ESRRG: variants seen among roughly 807,000 people sequenced by gnomAD.
ESRRG encodes the protein estrogen related receptor gamma.
A neutral mutation model predicts 44.0 loss-of-function variants in ESRRG; 13 were observed. The ratio of observed to expected loss-of-function variants is 0.30; its 90% CI spans 0.19 to 0.47. ESRRG has a LOEUF of 0.47. Ranked by LOEUF, ESRRG falls within the 20% of genes least tolerant of loss-of-function variation. ESRRG has a pLI of 1.00. For synonymous variants in ESRRG, 215 were observed against 214.6 expected (o/e 1.00, Z -0.02); for missense variants, 395 against 580.6 (o/e 0.68, Z 3.29).
chr1:217,130,475 A>C (rs1260632761), intron 1 of ESRRG, among the ~76,000 whole-genome samples: 1 of 152,064 alleles, frequency 6.6e-6, no homozygotes, highest in African/African-American at 2.4e-5. Context: ...GCTTCAAGCA[A>C]TTCTCTCTCC....
chr1:216,564,150 A>C (rs1397259699), intron 5 of ESRRG, 69 bp downstream of exon 5: 20 of 965,054 alleles, frequency 2.1e-5, no homozygotes, highest in Non-Finnish European at 2.8e-5. Context: ...GAATTCACCC[A>C]AATCTATATA....
At chr1:217,030,073 G>C (rs2081839959) in intron 1 of ESRRG, among the ~76,000 whole-genome samples, 2 of 152,156 alleles carry the variant, frequency 1.3e-5, no homozygotes, top group South Asian at 4.1e-4. Flanking sequence ...CTGGGATGCT[G>C]ACCATGTCAA....
At chr1:217,099,277 A>G (rs1436501838) in intron 1 of ESRRG, among the ~76,000 whole-genome samples, 4 of 152,132 alleles carry the variant, frequency 2.6e-5, no homozygotes, top group Non-Finnish European at 5.9e-5. Context: ...ATCTTTTCCA[A>G]TCCTACTTAT....
At chr1:216,553,500 T>C (rs114694875) in intron 5 of ESRRG, among the ~76,000 whole-genome samples, 1,985 of 152,240 alleles carry the variant, frequency 0.013, 49 homozygotes, top group African/African-American at 0.046. Flanking sequence ...ATTAACAATT[T>C]GTGGTTGCCA....
At chr1:217,031,982 C>T (rs562587269) in intron 1 of ESRRG, among the ~76,000 whole-genome samples, 10 of 152,206 alleles carry the variant, frequency 6.6e-5, no homozygotes, top group South Asian at 2.1e-4. Flanking sequence ...ACTAATCCAC[C>T]GACTGCCCCA....
At chr1:216,578,462 T>C (rs1237073050) in intron 3 of ESRRG, among the ~76,000 whole-genome samples, 1 of 152,104 alleles carries the variant, frequency 6.6e-6, no homozygotes, top group Non-Finnish European at 1.5e-5. Flanking sequence ...ACAGTCTCTC[T>C]GTTTATCCAA....
chr1:217,135,240 T>A (rs1580666302), intron 1 of ESRRG, among the ~76,000 whole-genome samples: 2 of 117,290 alleles, frequency 1.7e-5, no homozygotes, highest in Non-Finnish European at 1.8e-5. Flanking sequence ...CTTTTCCCCC[T>A]CCTCACCCCC....
At chr1:216,736,669 G>A (rs61819767) in intron 2 of ESRRG, among the ~76,000 whole-genome samples, 17,182 of 152,080 alleles carry the variant, frequency 0.11, 1,022 homozygotes, top group South Asian at 0.19. Context: ...GCTGCATTTC[G>A]CTGGGCTTCA....
intron 2 of ESRRG, among the ~76,000 whole-genome samples, chr1:216,669,668 T>C (rs192192555): frequency 3.3e-5 from 5 of 152,258 alleles, no homozygotes; most frequent in African/African-American, 1.2e-4. Flanking sequence ...GGCAGATCAC[T>C]TGAGGTCGGA....
chr1:217,122,320 T>C (rs368575707), intron 1 of ESRRG, among the ~76,000 whole-genome samples: 3 of 152,150 alleles, frequency 2.0e-5, no homozygotes. Context: ...GTTTAAACCA[T>C]GGGAATAGAC....
At chr1:216,746,542 G>A (rs1438743422) in intron 2 of ESRRG, among the ~76,000 whole-genome samples, 2 of 152,100 alleles carry the variant, frequency 1.3e-5, no homozygotes, top group Non-Finnish European at 2.9e-5. Flanking sequence ...AATTTTCGTA[G>A]TATTTTTGCT....
intron 1 of ESRRG, among the ~76,000 whole-genome samples, chr1:217,035,201 A>G (rs2082671013): frequency 6.6e-6 from 1 of 151,714 alleles, no homozygotes; most frequent in South Asian, 2.1e-4. Context: ...AAAAGTGCTG[A>G]GAAGCCTGGT....
intron 5 of ESRRG, among the ~76,000 whole-genome samples, chr1:216,540,661 T>C (rs2052425063): frequency 6.6e-6 from 1 of 152,056 alleles, no homozygotes; most frequent in Non-Finnish European, 1.5e-5. Context: ...AATTTCTGTT[T>C]CAGTTTCTCT....
chr1:217,112,934 A>C (rs915623064), intron 1 of ESRRG, among the ~76,000 whole-genome samples: 2 of 152,248 alleles, frequency 1.3e-5, no homozygotes, highest in African/African-American at 4.8e-5. Context: ...TAGGAGCCTC[A>C]TATAGGACTC....
chr1:216,996,386 G>A (rs552899725), intron 1 of ESRRG, among the ~76,000 whole-genome samples: 3 of 151,986 alleles, frequency 2.0e-5, no homozygotes, highest in Non-Finnish European at 4.4e-5. Flanking sequence ...GTAAGGGGAT[G>A]AGAGGAGGAA....
chr1:216,562,783 A>G (rs1294511201), intron 5 of ESRRG, among the ~76,000 whole-genome samples: 2 of 152,144 alleles, frequency 1.3e-5, no homozygotes, highest in Admixed American at 1.3e-4. Flanking sequence ...CACCTAAAAA[A>G]GTGTCTATGG....
chr1:216,725,679 C>T (rs1055631222), upstream of ESRRG, among the ~76,000 whole-genome samples: 4 of 152,106 alleles, frequency 2.6e-5, no homozygotes, highest in African/African-American at 9.7e-5. Flanking sequence ...ATTGCACATA[C>T]TTTAAAAAAG....
intron 2 of ESRRG, among the ~76,000 whole-genome samples, chr1:216,901,098 G>C (rs2059016942): frequency 6.6e-6 from 1 of 152,020 alleles, no homozygotes; most frequent in Non-Finnish European, 1.5e-5. Flanking sequence ...AACAAAACAT[G>C]ATTGGAATTG....
In ESRRG at chr1:216,825,131, C is replaced by A. The variant is rs2095368670; in HGVS notation, c.-14+114451G>T. 2.0e-5 allele frequency among the ~76,000 whole-genome samples: 3 copies of A among 152,118 alleles called. No individual in the cohort carries two copies. The South Asian group carries it at 6.2e-4, about 32-fold the overall frequency. On this transcript the variant is annotated intron_variant, in intron 2 of 7. Transcript: ENST00000359162. Reference sequence around the variant, plus strand: ...CATTTCAGTAATGGTGAGCCCTCTTCCCCTCTTCATGTCAAAGTATGCAGG... The same window carrying A: ...CATTTCAGTAATGGTGAGCCCTCTTACCCTCTTCATGTCAAAGTATGCAGG...
Sources: gnomAD v4.1 joint callset for allele counts (sites outside exome capture counted in the v4.1 genomes callset) on GRCh38, gnomAD v4.1.1 for gene constraint, MANE v1.5 for transcripts, NCBI Gene and HGNC (gene_info 2026-07-23, HGNC 2026-07-21) for gene names.